NRG1: variants seen among roughly 807,000 people sequenced by gnomAD.
NRG1 encodes the protein neuregulin 1, also known as pro-neuregulin-1, membrane-bound isoform.
A neutral mutation model predicts 63.8 loss-of-function variants in NRG1; 18 were observed. That is an observed-to-expected ratio of 0.28 (90% CI 0.19 to 0.42). NRG1 has a LOEUF of 0.42. Among genes scored for constraint, NRG1 ranks in the 10% least tolerant of loss-of-function variants. The probability of loss-of-function intolerance (pLI) is 1.00; values close to 1 mark genes in which losing one functional copy is unlikely to be tolerated. For missense variants in NRG1, 762 were observed against 814.7 expected (o/e 0.94, Z 0.79); for synonymous variants, 302 against 301.3 (o/e 1.00, Z -0.02).
At chr8:32,479,774 C>G (rs576512258) in intron 1 of NRG1, among the ~76,000 whole-genome samples, 2 of 152,006 alleles carry the variant, frequency 1.3e-5, no homozygotes, top group South Asian at 4.2e-4. Flanking sequence ...CTCAGCCTCC[C>G]GAGTAGCTGG....
At position 32,763,728 on chromosome 8, in the gene NRG1, G is replaced by T; in HGVS notation, c.1260-20G>T. The T allele has an allele frequency of 1.3e-6, 2 of 1,526,302 alleles. No homozygotes were observed. The highest frequency in any genetic ancestry group is 1.3e-5 in the South Asian group (1 of 76,308). 94.5% of individuals were successfully genotyped at this position (1,526,302 alleles called of 1,614,324 possible). A position where few individuals can be genotyped will look rare whatever the true frequency, so the allele number is the denominator to read the frequency against. On this transcript the variant is annotated intron_variant, in intron 11 of 11. Coordinates refer to ENST00000356819, the Ensembl canonical transcript of NRG1. ...CTCTTATTGCACCACACTTATGCAG[G>T]GTATTCTGTGCTCACACAGGTATGT...
chr8:32,610,983 G>A (rs751137257), intron 3 of NRG1, among the ~76,000 whole-genome samples: 6 of 152,104 alleles, frequency 3.9e-5, no homozygotes, highest in Admixed American at 6.6e-5. Flanking sequence ...TCTGTATATA[G>A]GAAACCTTGA....
chr8:32,080,801 GT>G (rs1827350208), intron 1 of NRG1, among the ~76,000 whole-genome samples: 2 of 144,076 alleles, frequency 1.4e-5, no homozygotes, highest in Non-Finnish European at 3.1e-5. Context: ...GTGTGTGTGT[GT>G]GTGTGTGACA....
At chr8:32,304,739 G>A (rs1338216095) in intron 1 of NRG1, among the ~76,000 whole-genome samples, 3 of 152,134 alleles carry the variant, frequency 2.0e-5, no homozygotes, top group Non-Finnish European at 4.4e-5. Flanking sequence ...TATTGGCCAG[G>A]TGTGGTTGTC....
intron 1 of NRG1, among the ~76,000 whole-genome samples, chr8:31,816,582 A>G (rs1485926403): frequency 6.6e-6 from 1 of 152,196 alleles, no homozygotes; most frequent in East Asian, 1.9e-4. Context: ...AATAATCTGG[A>G]GCATATTATT....
chr8:32,308,787 G>T (rs1036834178), intron 1 of NRG1, among the ~76,000 whole-genome samples: 2 of 152,196 alleles, frequency 1.3e-5, no homozygotes, highest in African/African-American at 4.8e-5. Flanking sequence ...GGGAAAATTG[G>T]TGCTACAATG....
intron 5 of NRG1, among the ~76,000 whole-genome samples, chr8:32,713,226 G>C (rs1818254956): frequency 1.3e-5 from 2 of 152,020 alleles, no homozygotes; most frequent in Non-Finnish European, 2.9e-5. Context: ...GGAAACTCCA[G>C]CTTCCCATCA....
chr8:32,237,500 C>T (rs986878767), intron 1 of NRG1, among the ~76,000 whole-genome samples: 1 of 150,166 alleles, frequency 6.7e-6, no homozygotes, highest in African/African-American at 2.5e-5. Flanking sequence ...GTTTTTTTTT[C>T]CCCGTGATTT....
chr8:32,067,074 TAAG>T (rs1824957666), intron 1 of NRG1, among the ~76,000 whole-genome samples: 2 of 152,182 alleles, frequency 1.3e-5, no homozygotes, highest in Admixed American at 1.3e-4. Context: ...CCTATTAGCT[TAAG>T]GAGAGTTTGG....
chr8:32,398,489 C>A (rs1285295615), intron 1 of NRG1, among the ~76,000 whole-genome samples: 4 of 151,546 alleles, frequency 2.6e-5, no homozygotes, highest in Admixed American at 1.3e-4. Flanking sequence ...TGGCTCACTG[C>A]AACCCCTGCC....
At chr8:32,470,615 T>A (rs1184219034) in intron 1 of NRG1, among the ~76,000 whole-genome samples, 1 of 152,194 alleles carries the variant, frequency 6.6e-6, no homozygotes, top group African/African-American at 2.4e-5. Flanking sequence ...AAACTAGAAT[T>A]ACTTTGGGAT....
intron 1 of NRG1, among the ~76,000 whole-genome samples, chr8:32,532,195 A>G (rs1831518593): frequency 6.6e-6 from 1 of 152,212 alleles, no homozygotes; most frequent in South Asian, 2.1e-4. Context: ...GATTAATCAG[A>G]GCTTGTGTTT....
intron 2 of NRG1, among the ~76,000 whole-genome samples, chr8:32,596,369 C>T (rs1402217386): frequency 2.0e-5 from 3 of 151,916 alleles, no homozygotes; most frequent in African/African-American, 4.8e-5. Context: ...TTTGGGAGGC[C>T]GAGGAGGGCA....
chr8:32,190,790 G>A (rs79888648), intron 1 of NRG1, among the ~76,000 whole-genome samples: 6,333 of 152,230 alleles, frequency 0.042, 197 homozygotes, highest in Middle Eastern at 0.092. Flanking sequence ...ATAGTTTATT[G>A]CTACAGGATA....
intron 1 of NRG1, among the ~76,000 whole-genome samples, chr8:31,961,274 A>C (rs1364433257): frequency 6.6e-6 from 1 of 152,214 alleles, no homozygotes; most frequent in African/African-American, 2.4e-5. Flanking sequence ...AAGAGCATCC[A>C]AATCAGTATA....
intron 1 of NRG1, among the ~76,000 whole-genome samples, chr8:32,069,499 T>C (rs1204889581): frequency 6.6e-6 from 1 of 152,132 alleles, no homozygotes. Flanking sequence ...CTAGCAATGG[T>C]TGATGAACTG....
chr8:32,196,929 G>C (rs1295272175), intron 1 of NRG1, among the ~76,000 whole-genome samples: 1 of 69,556 alleles, frequency 1.4e-5, no homozygotes, highest in Non-Finnish European at 3.1e-5. Context: ...TACCAGGCCT[G>C]TTCTCAGAAC....
rs561269985 is a variant in NRG1, at chr8:32,643,495, G to A, written c.502+26610G>A. Among the ~76,000 whole-genome samples, 35 of 152,246 alleles carry A rather than the reference G, an allele frequency of 2.3e-4. 1 individual carries two copies. Among genetic ancestry groups the A allele is most frequent in the African/African-American group, 5.8e-4 (24 of 41,554 alleles). ...CGGCTGGCATCTAGCAGCAGCTGCC[G>A]GTCGTCATGTGGGGGAGCCATCTTG... is the stretch of plus-strand genomic sequence containing the variant. On this transcript the variant is annotated intron_variant, in intron 5 of 11. Transcript: ENST00000356819.
At chr8:31,955,585 A>G (rs1012911481) in intron 1 of NRG1, among the ~76,000 whole-genome samples, 1 of 152,210 alleles carries the variant, frequency 6.6e-6, no homozygotes, top group Admixed American at 6.5e-5. Flanking sequence ...ATGCTGAAGA[A>G]TCTAGGCTGT....
Sources: allele counts gnomAD v4.1 joint callset (sites outside exome capture counted in the v4.1 genomes callset), GRCh38; gene constraint gnomAD v4.1.1; transcripts MANE v1.5; gene names NCBI Gene and HGNC (gene_info 2026-07-23, HGNC 2026-07-21).